The following PRMT8 variants were observed in gnomAD, a reference collection of about 807,000 sequenced individuals.
The protein encoded by PRMT8 is protein arginine methyltransferase 8.
Under a neutral mutation model 47.1 loss-of-function variants are expected in PRMT8, and 7 were observed. The ratio of observed to expected loss-of-function variants is 0.15; its 90% confidence interval spans 0.08 to 0.28. PRMT8 has a LOEUF of 0.28. Ranked by LOEUF, PRMT8 falls within the 10% of genes least tolerant of loss-of-function variation. PRMT8 has a pLI of 1.00. For synonymous variants in PRMT8, 188 were observed against 186.5 expected, an observed-to-expected ratio of 1.01 and a Z score of -0.07; for missense variants, 237 against 505.4, an observed-to-expected ratio of 0.47 and a Z score of 5.09.
At chr12:3,545,972 C>T (rs1866321987) in intron 2 of PRMT8, among the ~76,000 whole-genome samples, 1 of 152,150 alleles carries the variant, frequency 6.6e-6, no homozygotes, top group Non-Finnish European at 1.5e-5. Context: ...GGTCACAAAA[C>T]AAAGATTAAA....
Position 3,576,724 on chromosome 12 carries a change from C to T in PRMT8, c.713-147C>T. 1 of 667,652 alleles carries T rather than the reference C, an allele frequency of 1.5e-6. No homozygotes were observed. Among genetic ancestry groups the T allele is most frequent in the Admixed American group, 2.4e-5 (1 of 42,220 alleles). 41.4% of individuals were successfully genotyped at this position (667,652 alleles called of 1,614,324 possible). On this transcript the variant is annotated intron_variant, in intron 6 of 9. Transcript: ENST00000382622. This position sits in a 1 kb window ranked among gnomAD's most constrained non-coding sequence, Gnocchi z 4.0. ...CATTTGGCACATTGCAAAGTGCCCC[C>T]AGGTGAGCAGTTCTGCCTCTATTTC...
chr12:3,395,806 G>A (rs990739246), intron 1 of PRMT8, among the ~76,000 whole-genome samples: 1 of 151,770 alleles, frequency 6.6e-6, no homozygotes, highest in Non-Finnish European at 1.5e-5. Flanking sequence ...AATGTTGACA[G>A]TGGGGTGTTA....
chr12:3,434,602 G>A (rs1864717301), intron 1 of PRMT8, among the ~76,000 whole-genome samples: 2 of 152,156 alleles, frequency 1.3e-5, no homozygotes, highest in South Asian at 4.1e-4. Context: ...GGCTGACAGA[G>A]GAAGTTACAG....
chr12:3,575,688 A>G (rs1024996256), intron 6 of PRMT8, among the ~76,000 whole-genome samples: 1 of 152,230 alleles, frequency 6.6e-6, no homozygotes, highest in African/African-American at 2.4e-5. Context: ...GGTAGATTAA[A>G]TGAAGAGTCT....
In PRMT8 at chr12:3,577,462, G is replaced by A. The variant is rs79649128; in HGVS notation, c.828+476G>A. On this transcript the variant is annotated intron_variant, in intron 7 of 9. Transcript: ENST00000382622. ...AGCTTCCAGCTGCCCCTTCCTGAGC[G>A]TCCCTGTTCATGCTCTCGCCTCCAC... Among the ~76,000 whole-genome samples, 1,445 of 151,106 alleles carry A rather than the reference G, an allele frequency of 9.6e-3. 15 individuals carry two copies. The highest frequency in any genetic ancestry group is 0.014 in the Non-Finnish European group (946 of 67,818).
chr12:3,451,227 G>T (rs573720296), intron 1 of PRMT8, among the ~76,000 whole-genome samples: 102 of 152,230 alleles, frequency 6.7e-4, no homozygotes, highest in Non-Finnish European at 1.2e-3. Context: ...ATGGATTCAA[G>T]ATTTCAGGCT....
intron 1 of PRMT8, among the ~76,000 whole-genome samples, chr12:3,445,183 C>T (rs1285388242): frequency 6.6e-6 from 1 of 152,146 alleles, no homozygotes; most frequent in East Asian, 1.9e-4. Flanking sequence ...CATGGGTTCT[C>T]CTCATTGTCG....
At chr12:3,428,996 G>A (rs1864641931) in intron 1 of PRMT8, among the ~76,000 whole-genome samples, 1 of 149,966 alleles carries the variant, frequency 6.7e-6, no homozygotes, top group South Asian at 2.1e-4. Flanking sequence ...TTGTCTCTCT[G>A]TCTCTTCCTC....
chr12:3,529,785 G>C (rs1866001011), intron 1 of PRMT8, among the ~76,000 whole-genome samples: 1 of 152,008 alleles, frequency 6.6e-6, no homozygotes, highest in African/African-American at 2.4e-5. Context: ...CAGCTCAATG[G>C]CCAGATGATG....
At chr12:3,513,740 C>A (rs1746758971) in intron 1 of PRMT8, among the ~76,000 whole-genome samples, 2 of 152,202 alleles carry the variant, frequency 1.3e-5, no homozygotes, top group Non-Finnish European at 2.9e-5. Context: ...CAGCCCCTTT[C>A]AAGTGTTCTG....
chr12:3,568,342 G>A (rs1272403928), intron 4 of PRMT8, among the ~76,000 whole-genome samples: 1 of 124,072 alleles, frequency 8.1e-6, no homozygotes, highest in East Asian at 2.6e-4. Context: ...CACACTTGGT[G>A]TAAATAAAAA....
intron 1 of PRMT8, among the ~76,000 whole-genome samples, chr12:3,420,194 A>G (rs1014984623): frequency 6.6e-6 from 1 of 151,928 alleles, no homozygotes; most frequent in Non-Finnish European, 1.5e-5. Flanking sequence ...AAGGCGGCAG[A>G]CTCAAAACTC....
At chr12:3,509,307 C>G (rs960497048) in intron 1 of PRMT8, among the ~76,000 whole-genome samples, 2 of 152,196 alleles carry the variant, frequency 1.3e-5, no homozygotes, top group African/African-American at 4.8e-5. Context: ...CTCCCTTCCT[C>G]GACTCGTTGC....
Position 3,412,075 on chromosome 12 carries a change from G to A in PRMT8, c.48+30633G>A, listed in dbSNP as rs143171106. ...TAGGTGATTTTATTGTTGTACTAAC[G>A]TCATAGAGTGTACTCACACAAACCT... is the stretch of plus-strand genomic sequence containing the variant. On this transcript the variant is annotated intron_variant, in intron 1 of 9. Coordinates refer to the PRMT8 transcript ENST00000452611. 9.2e-5 allele frequency among the ~76,000 whole-genome samples: 14 copies of A among 152,250 alleles called. 1 individual carries two copies. The East Asian group carries it at 2.1e-3, about 23-fold the overall frequency.
chr12:3,439,475 AC>A (rs1432598192), intron 1 of PRMT8, among the ~76,000 whole-genome samples: 1 of 151,990 alleles, frequency 6.6e-6, no homozygotes, highest in African/African-American at 2.4e-5. Context: ...AACAAACTAA[AC>A]AAACGTATTT....
At chr12:3,458,630 T>C (rs1865001958) in intron 1 of PRMT8, among the ~76,000 whole-genome samples, 1 of 152,250 alleles carries the variant, frequency 6.6e-6, no homozygotes, top group Non-Finnish European at 1.5e-5. Context: ...TACCACAGTA[T>C]ATCTGTCCTG....
At chr12:3,480,660 C>T (rs1166054940) in intron 1 of PRMT8, among the ~76,000 whole-genome samples, 4 of 152,234 alleles carry the variant, frequency 2.6e-5, no homozygotes, top group East Asian at 3.9e-4. Flanking sequence ...CTCCCCCCAC[C>T]GCTTTCTTAT....
In PRMT8 at chr12:3,391,178, G is replaced by A. The variant is rs141268478; in HGVS notation, c.48+9736G>A. ...GAGCACCTATTATGTGCCCGGTGCTGTTCCAGGTAGTTCACTGGAACAAAG... is the reference window on the plus strand; with the variant it reads ...GAGCACCTATTATGTGCCCGGTGCTATTCCAGGTAGTTCACTGGAACAAAG... On this transcript the variant is annotated intron_variant, in intron 1 of 9. Transcript: ENST00000452611. Among the ~76,000 whole-genome samples the A allele has an allele frequency of 7.9e-5, 12 of 152,264 alleles. No individual in the cohort carries two copies. In the East Asian group the frequency reaches 1.9e-3, roughly 25 times the overall value.
At chr12:3,577,531 G>A (rs147016122) in intron 7 of PRMT8, among the ~76,000 whole-genome samples, 11 of 152,108 alleles carry the variant, frequency 7.2e-5, no homozygotes, top group African/African-American at 2.7e-4. Flanking sequence ...GCTTCCAGCT[G>A]CCCCTTCCTG....
Sources: gnomAD v4.1 joint callset for allele counts (sites outside exome capture counted in the v4.1 genomes callset) on GRCh38, gnomAD v4.1.1 for gene constraint, Gnocchi (gnomAD v3.1) non-coding constraint, MANE v1.5 for transcripts, NCBI Gene and HGNC (gene_info 2026-07-23, HGNC 2026-07-21) for gene names.